INTU: variants seen among roughly 807,000 people sequenced by gnomAD.
INTU encodes inturned planar cell polarity protein, also known as protein inturned.
In INTU, 68 loss-of-function variants were observed where a neutral mutation model predicts 100.5. The ratio of observed to expected loss-of-function variants is 0.68; its 90% CI spans 0.56 to 0.83. The LOEUF (loss-of-function observed/expected upper bound fraction) is 0.83, where lower values mean the gene tolerates loss of function less well. Among genes scored for constraint, INTU ranks in the 40% least tolerant of loss-of-function variants. INTU has a pLI of 0.00. For missense variants in INTU, 1,071 were observed against 1,114.7 expected (o/e 0.96, Z 0.56); for synonymous variants, 357 against 395.7 (o/e 0.90, Z 1.16).
At position 127,722,683 on chromosome 4, in the gene INTU, G is replaced by A. The variant is rs947321799; in HGVS notation, c.*6247G>A. The A allele has an allele frequency of 7.9e-5, 12 of 152,362 alleles. No individual in the cohort carries two copies. The highest frequency in any genetic ancestry group is 2.7e-4 in the African/African-American group (11 of 41,464). The allele number at this position is 152,362 out of a possible 1,614,324, so 9.4% of individuals were successfully genotyped here. A position where few individuals can be genotyped will look rare whatever the true frequency, so the allele number is the denominator to read the frequency against. On this transcript the variant is annotated 3_prime_UTR_variant, in exon 16 of 16. Transcript: ENST00000335251. Reference sequence around the variant, plus strand: ...CCACAGGGAGGCCCTGTCCAGTGAAGAGGAGTGAATCTGGGTTCCACCCCA... The same window carrying A: ...CCACAGGGAGGCCCTGTCCAGTGAAAAGGAGTGAATCTGGGTTCCACCCCA...
chr4:127,682,805 A>G (rs1283626213), intron 6 of INTU, among the ~76,000 whole-genome samples: 1 of 152,166 alleles, frequency 6.6e-6, no homozygotes, highest in African/African-American at 2.4e-5. Flanking sequence ...TGGGTTTACA[A>G]GGATTGGAGA....
chr4:127,650,612 G>A (rs1345632196), intron 2 of INTU, among the ~76,000 whole-genome samples: 1 of 151,750 alleles, frequency 6.6e-6, no homozygotes, highest in African/African-American at 2.4e-5. Flanking sequence ...TCTTAATCCA[G>A]TCTATCATTG....
chr4:127,700,146 G>A lies in INTU; in HGVS notation c.1503+83G>A, dbSNP rs72616933. The A allele has an allele frequency of 0.031, 34,047 of 1,101,212 alleles. 2,552 individuals are homozygous for A. The highest frequency in any genetic ancestry group is 0.3 in the East Asian group (12,493 of 41,170). 68.2% of individuals were successfully genotyped at this position (1,101,212 alleles called of 1,614,324 possible). On this transcript the variant is annotated intron_variant, in intron 9 of 15. Transcript: ENST00000335251. ...TCATTATTCTAAATATTTACCAAGTGGATATATAATAATCTTGAAATACAC... is the reference window on the plus strand; with the variant it reads ...TCATTATTCTAAATATTTACCAAGTAGATATATAATAATCTTGAAATACAC...
In INTU at chr4:127,720,217, C is replaced by G. The variant is rs1731325515; in HGVS notation, c.*3781C>G. The G allele has an allele frequency of 2.0e-5, 3 of 152,266 alleles. No individual in the cohort carries two copies. The highest frequency in any genetic ancestry group is 2.0e-4 in the Admixed American group (3 of 15,292). 9.4% of individuals were successfully genotyped at this position (152,266 alleles called of 1,614,324 possible). On this transcript the variant is annotated 3_prime_UTR_variant, in exon 16 of 16. Coordinates refer to ENST00000335251, the MANE Select transcript of INTU (RefSeq NM_015693.4). ...TTGGTTTCAAAGAACTTCTTGATTT[C>G]TCTCTTAATTTCATTATTTACCCAG...
chr4:127,701,967 A>G (rs775500975), intron 9 of INTU, among the ~76,000 whole-genome samples: 1 of 152,160 alleles, frequency 6.6e-6, no homozygotes, highest in Non-Finnish European at 1.5e-5. Flanking sequence ...GTAAACTCTT[A>G]TGGCTCATAA....
chr4:127,704,307 AGTCTAAAT>A lies in INTU; in HGVS notation c.1566+21_1566+28del, dbSNP rs1730780190. Reference sequence around the variant, plus strand: ...TTTTACAAGGTAAGTTGAAGCTTGAAGTCTAAATGTCCAGCTGCTGTATAAAGAGAACT... The same window carrying A: ...TTTTACAAGGTAAGTTGAAGCTTGAAGTCCAGCTGCTGTATAAAGAGAACT... On this transcript the variant is annotated intron_variant, in intron 10 of 15. Coordinates refer to ENST00000335251, the MANE Select transcript of INTU (RefSeq NM_015693.4). The A allele has an allele frequency of 5.7e-6, 9 of 1,579,128 alleles. No homozygotes were observed. The highest frequency in any genetic ancestry group is 6.9e-6 in the Non-Finnish European group (8 of 1,151,592).
chr4:127,687,901 C>G lies in INTU; in HGVS notation c.1449+34C>G, dbSNP rs1204780033. ...AGGTATTATAAAGCAGAAGCAGAAC[C>G]AGGTGCCTTATTATAATCTTGTATC... On this transcript the variant is annotated intron_variant, in intron 8 of 15. Transcript: ENST00000335251. 5 of 1,379,866 alleles carry G rather than the reference C, an allele frequency of 3.6e-6. No individual in the cohort carries two copies. The African/African-American group carries it at 5.8e-5, about 16-fold the overall frequency. 85.5% of individuals were successfully genotyped at this position (1,379,866 alleles called of 1,614,324 possible).
rs1444160175 is a variant in INTU at position 127,663,455 on chromosome 4, C to T, written c.843C>T (p.Ser281=). Residue 281 remains serine, a synonymous_variant, in exon 4 of 16, where the codon TCC becomes TCT. Transcript: ENST00000335251. ...TSHPRQKKTQ[S]NTSDLVKLLW... ...ATCCAAGACAGAAAAAGACACAGTC[C>T]AACACAAGTGATTTAGTCAAGCTTC... 1.2e-6 allele frequency: 2 copies of T among 1,613,274 alleles called. No individual in the cohort carries two copies. The highest frequency in any genetic ancestry group is 1.7e-6 in the Non-Finnish European group (2 of 1,179,550).
intron 8 of INTU, 33 bp from the exon 9 acceptor site, chr4:127,699,977 G>C: frequency 6.6e-7 from 1 of 1,515,306 alleles, no homozygotes; most frequent in Non-Finnish European, 8.9e-7. Context: ...TGAGTCAAAT[G>C]TTTATGTTAC....
rs1182796704 is a variant in INTU, at chr4:127,718,909, A to G, written c.*2473A>G. 6.6e-6 allele frequency: 1 copy of G among 152,218 alleles called. No individual in the cohort carries two copies. 9.4% of individuals were successfully genotyped at this position (152,218 alleles called of 1,614,324 possible). A position where few individuals can be genotyped will look rare whatever the true frequency, so the allele number is the denominator to read the frequency against. On this transcript the variant is annotated 3_prime_UTR_variant, in exon 16 of 16. Transcript: ENST00000335251. The stretch of plus-strand genomic sequence containing the variant: ...GCTGAGACAATGGGGTTTTCTAGAT[A>G]TAGGATAATGTCCTCTGCAAACAAA...
intron 2 of INTU, among the ~76,000 whole-genome samples, chr4:127,645,562 T>G (rs1727543062): frequency 6.6e-6 from 1 of 151,936 alleles, no homozygotes; most frequent in Admixed American, 6.6e-5. Context: ...TTTTATTTAT[T>G]TATTTATTTA....
chr4:127,692,747 G>T (rs1578613232), intron 8 of INTU, among the ~76,000 whole-genome samples: 1 of 152,138 alleles, frequency 6.6e-6, no homozygotes, highest in Non-Finnish European at 1.5e-5. Flanking sequence ...GATCCATCTT[G>T]AGTTGATTTT....
At chr4:127,642,203 T>A (rs1384900558) in intron 1 of INTU, among the ~76,000 whole-genome samples, 1 of 152,188 alleles carries the variant, frequency 6.6e-6, no homozygotes, top group Non-Finnish European at 1.5e-5. Context: ...TGGGTACAGA[T>A]AGGTATTGTT....
intron 2 of INTU, among the ~76,000 whole-genome samples, chr4:127,652,374 T>G (rs1374738084): frequency 2.0e-5 from 3 of 150,488 alleles, no homozygotes; most frequent in African/African-American, 7.5e-5. Context: ...AGATAGCTCT[T>G]ATTATTTTGA....
intron 2 of INTU, among the ~76,000 whole-genome samples, chr4:127,650,015 C>T (rs1168720301): frequency 6.6e-6 from 1 of 152,014 alleles, no homozygotes; most frequent in Non-Finnish European, 1.5e-5. Flanking sequence ...ATTTGGAAAA[C>T]ATACACATTT....
At chr4:127,633,210 C>T in intron 1 of INTU, 30 bp downstream of exon 1, 1 of 1,604,622 alleles carries the variant, frequency 6.2e-7, no homozygotes. Flanking sequence ...ACAATTAATC[C>T]CATCCCATCA....
At position 127,723,051 on chromosome 4, in the gene INTU, C is replaced by T. The variant is rs1731369381; in HGVS notation, c.*6615C>T. 1 of 152,170 alleles carries T rather than the reference C, an allele frequency of 6.6e-6. No homozygotes were observed. Among genetic ancestry groups the T allele is most frequent in the Admixed American group, 6.5e-5 (1 of 15,284 alleles). The allele number at this position is 152,170 out of a possible 1,614,324, so 9.4% of individuals were successfully genotyped here. A position where few individuals can be genotyped will look rare whatever the true frequency, so the allele number is the denominator to read the frequency against. ...AGAGATTTGTGCTTGGGACCCAAAGCTCTGGTAGCATTGGCTCAGGAGGGA... is the reference window on the plus strand; with the variant it reads ...AGAGATTTGTGCTTGGGACCCAAAGTTCTGGTAGCATTGGCTCAGGAGGGA... On this transcript the variant is annotated 3_prime_UTR_variant, in exon 16 of 16. Coordinates refer to ENST00000335251, the MANE Select transcript of INTU (RefSeq NM_015693.4).
chr4:127,669,268 G>A, intron 5 of INTU, 114 bp downstream of exon 5: 1 of 530,486 alleles, frequency 1.9e-6, no homozygotes. Context: ...TACAATGTAT[G>A]TATTATATAC....
Position 127,720,600 on chromosome 4 carries a change from GTGTGGAAATCTAAGTCTCTTTT to G in INTU, c.*4167_*4188del, listed in dbSNP as rs1407635469. 2.6e-5 allele frequency: 4 copies of G among 152,124 alleles called. No individual in the cohort carries two copies. Among genetic ancestry groups the G allele is most frequent in the Non-Finnish European group, 5.9e-5 (4 of 68,022 alleles). 9.4% of individuals were successfully genotyped at this position (152,124 alleles called of 1,614,324 possible). A position where few individuals can be genotyped will look rare whatever the true frequency, so the allele number is the denominator to read the frequency against. On this transcript the variant is annotated 3_prime_UTR_variant, in exon 16 of 16. Coordinates refer to ENST00000335251, the MANE Select transcript of INTU (RefSeq NM_015693.4). ...GGTGTTAAAGTCTCCCACTATTATT[GTGTGGAAATCTAAGTCTCTTTT>G]TGGGTCTCTAAGAACTTGTTTTATG...
Sources: allele counts gnomAD v4.1 joint callset (sites outside exome capture counted in the v4.1 genomes callset), GRCh38; gene constraint gnomAD v4.1.1; transcripts MANE v1.5; gene names NCBI Gene and HGNC (gene_info 2026-07-23, HGNC 2026-07-21).